Variants in GFRAL observed in about 807,000 individuals in gnomAD.
GFRAL encodes GDNF family receptor alpha like, also known as GDNF family receptor alpha-like.
GFRAL carries 36 observed loss-of-function variants against 45.4 expected under a neutral mutation model. The ratio of observed to expected loss-of-function variants is 0.79; its 90% CI spans 0.61 to 1.05. The LOEUF is 1.05. Among genes scored for constraint, GFRAL ranks in the 50% least tolerant of loss-of-function variants. The pLI is 0.00. For missense variants in GFRAL, 507 were observed against 467.5 expected (o/e 1.08, Z -0.78); for synonymous variants, 166 against 154.1 (o/e 1.08, Z -0.57).
chr6:55,330,415 C>T (rs1255183521), intron 1 of GFRAL, among the ~76,000 whole-genome samples: 2 of 151,990 alleles, frequency 1.3e-5, no homozygotes, highest in African/African-American at 4.8e-5. Flanking sequence ...ACAGTAAAAT[C>T]TGTAATTGCG....
At chr6:55,387,305 C>T (rs546789574) in intron 6 of GFRAL, among the ~76,000 whole-genome samples, 1 of 152,334 alleles carries the variant, frequency 6.6e-6, no homozygotes, top group Non-Finnish European at 1.5e-5. Context: ...TCATTGGCTT[C>T]ATACAATCCT....
chr6:55,346,549 G>T (rs1768044524), intron 3 of GFRAL, among the ~76,000 whole-genome samples: 1 of 151,850 alleles, frequency 6.6e-6, no homozygotes, highest in Non-Finnish European at 1.5e-5. Context: ...TCGTGGGGTG[G>T]TAGGAGGGGG....
intron 3 of GFRAL, among the ~76,000 whole-genome samples, chr6:55,343,591 G>C (rs993930224): frequency 1.1e-4 from 17 of 152,120 alleles, no homozygotes. Context: ...ATCTAAAATT[G>C]ACACCCTAAC....
chr6:55,369,148 G>A (rs544617575), intron 6 of GFRAL, among the ~76,000 whole-genome samples: 2 of 151,718 alleles, frequency 1.3e-5, no homozygotes, highest in African/African-American at 2.4e-5. Flanking sequence ...CTCATGGTGC[G>A]CCGTTTTTTA....
intron 3 of GFRAL, among the ~76,000 whole-genome samples, chr6:55,348,533 G>T (rs1433125269): frequency 6.6e-6 from 1 of 151,946 alleles, no homozygotes; most frequent in Admixed American, 6.6e-5. Flanking sequence ...CTCAGATAAA[G>T]GTCCCCAGAA....
chr6:55,347,224 T>C (rs1483265984), intron 3 of GFRAL, among the ~76,000 whole-genome samples: 3 of 151,982 alleles, frequency 2.0e-5, no homozygotes, highest in Admixed American at 2.0e-4. Flanking sequence ...GTTCTGGAGG[T>C]ATATGTGCAC....
At chr6:55,378,916 G>T (rs971291898) in intron 6 of GFRAL, among the ~76,000 whole-genome samples, 4 of 151,882 alleles carry the variant, frequency 2.6e-5, no homozygotes, top group African/African-American at 9.7e-5. Context: ...GTCTTTCTGG[G>T]AATCATTTAC....
At position 55,367,827 on chromosome 6, in the gene GFRAL, C is replaced by T. The variant is rs936731368; in HGVS notation, c.952+8689C>T. 5.9e-5 allele frequency among the ~76,000 whole-genome samples: 9 copies of T among 152,136 alleles called. No individual in the cohort carries two copies. The South Asian group carries it at 8.3e-4, about 14-fold the overall frequency. ...AAGAGATCCGCTCTTAGTCTGATGG[C>T]GTTCCCTTTGAGGGTAACCCGACCT... On this transcript the variant is annotated intron_variant, in intron 6 of 8. Transcript: ENST00000340465.
intron 5 of GFRAL, among the ~76,000 whole-genome samples, chr6:55,355,789 G>C (rs1168385702): frequency 6.6e-6 from 1 of 151,776 alleles, no homozygotes; most frequent in East Asian, 1.9e-4. Flanking sequence ...AGGCATCCTT[G>C]TCTCATTACA....
At chr6:55,386,878 G>A (rs554237304) in intron 6 of GFRAL, among the ~76,000 whole-genome samples, 11 of 152,232 alleles carry the variant, frequency 7.2e-5, no homozygotes, top group African/African-American at 2.6e-4. Context: ...TTTGGCTAAG[G>A]CTTCCTATTT....
chr6:55,338,919 G>T (rs1157835238), intron 3 of GFRAL, among the ~76,000 whole-genome samples: 1 of 152,064 alleles, frequency 6.6e-6, no homozygotes, highest in Admixed American at 6.6e-5. Flanking sequence ...TTAAATAGAG[G>T]AATGTATCAT....
At chr6:55,353,308 T>G (rs1038805058) in intron 5 of GFRAL, among the ~76,000 whole-genome samples, 1 of 152,058 alleles carries the variant, frequency 6.6e-6, no homozygotes, top group African/African-American at 2.4e-5. Context: ...AAATTCTCTC[T>G]TTTAGCTTTT....
intron 6 of GFRAL, among the ~76,000 whole-genome samples, chr6:55,370,784 T>G (rs1768439962): frequency 1.3e-5 from 2 of 152,204 alleles, no homozygotes; most frequent in Admixed American, 6.5e-5. Context: ...ATCCCAGATC[T>G]GGGGTTTAAT....
rs183938303 is a variant in GFRAL at position 55,400,617 on chromosome 6, T to G, written c.1122-1173T>G. Among the ~76,000 whole-genome samples, 206 of 151,910 alleles carry G rather than the reference T, an allele frequency of 1.4e-3. 1 individual carries two copies. Among genetic ancestry groups the G allele is most frequent in the Non-Finnish European group, 1.4e-3 (95 of 67,896 alleles). On this transcript the variant is annotated intron_variant, in intron 8 of 8. Coordinates refer to ENST00000340465, the MANE Select transcript of GFRAL (RefSeq NM_207410.2). ...GACCCAATCCCTCTAAGCATTTAAT[T>G]TGTTGTTAACTAAAATCAGTACCAA...
At chr6:55,345,273 T>A (rs1019840423) in intron 3 of GFRAL, among the ~76,000 whole-genome samples, 4 of 152,072 alleles carry the variant, frequency 2.6e-5, no homozygotes, top group Non-Finnish European at 4.4e-5. Flanking sequence ...TGGAGGCATC[T>A]TGCTACCTGA....
At chr6:55,369,707 GT>G (rs1562059356) in intron 6 of GFRAL, among the ~76,000 whole-genome samples, 1 of 151,148 alleles carries the variant, frequency 6.6e-6, no homozygotes, top group Non-Finnish European at 1.5e-5. Context: ...AAAAAAAACA[GT>G]TTGTTTCTGT....
intron 6 of GFRAL, among the ~76,000 whole-genome samples, chr6:55,362,788 T>A (rs1024481423): frequency 1.3e-5 from 2 of 151,476 alleles, no homozygotes; most frequent in Admixed American, 1.3e-4. Flanking sequence ...AAAAGAGATA[T>A]GAAATACCAC....
chr6:55,328,158 T>C (rs1294445923), intron 1 of GFRAL, among the ~76,000 whole-genome samples: 4 of 151,944 alleles, frequency 2.6e-5, no homozygotes, highest in African/African-American at 7.2e-5. Context: ...ACTTCTCTTG[T>C]ATTGGATCCG....
In GFRAL at chr6:55,331,896, G is replaced by A. The variant is rs547595971; in HGVS notation, c.157+47G>A. The A allele has an allele frequency of 2.0e-6, 3 of 1,528,332 alleles. No individual in the cohort carries two copies. The South Asian group carries it at 3.7e-5, about 19-fold the overall frequency. 94.7% of individuals were successfully genotyped at this position (1,528,332 alleles called of 1,614,324 possible). ...CACTCAAATGATTTATTTTTACTAA[G>A]ATAAAAACAGGATTTGATATTTTGT... On this transcript the variant is annotated intron_variant, in intron 2 of 8. Transcript: ENST00000340465.
Sources: allele counts gnomAD v4.1 joint callset (sites outside exome capture counted in the v4.1 genomes callset), GRCh38; gene constraint gnomAD v4.1.1; transcripts MANE v1.5; gene names NCBI Gene and HGNC (gene_info 2026-07-23, HGNC 2026-07-21).